ERBB4: variants seen among roughly 807,000 people sequenced by gnomAD.
ERBB4 encodes the protein receptor tyrosine-protein kinase erbB-4.
ERBB4 carries 42 observed loss-of-function variants against 158.0 expected under a neutral mutation model. The ratio of observed to expected loss-of-function variants is 0.27; its 90% CI spans 0.21 to 0.34. The LOEUF (loss-of-function observed/expected upper bound fraction) is 0.34. ERBB4 is among the 10% of genes least tolerant of loss of function. The probability of loss-of-function intolerance (pLI) is 1.00; values close to 1 mark genes in which losing one functional copy is unlikely to be tolerated. For synonymous variants in ERBB4, 583 were observed against 558.7 expected, an observed-to-expected ratio of 1.04 and a Z score of -0.61; for missense variants, 1,333 against 1,624.1, an observed-to-expected ratio of 0.82 and a Z score of 3.08.
Position 211,493,578 on chromosome 2 carries a change from C to CAA in ERBB4, c.2488-62480_2488-62479dup, listed in dbSNP as rs143725610. 5.9e-4 allele frequency among the ~76,000 whole-genome samples: 89 copies of CAA among 149,768 alleles called. No individual in the cohort carries two copies. The East Asian group carries it at 0.015, about 25-fold the overall frequency. ...AAAATACAAAAAACAAAAACAAAAA[C>CAA]AAAAAAAAACACCTTTGCATAGCAG... On this transcript the variant is annotated intron_variant, in intron 20 of 27. Coordinates refer to ENST00000342788, the MANE Select transcript of ERBB4 (RefSeq NM_005235.3).
intron 19 of ERBB4, among the ~76,000 whole-genome samples, chr2:211,594,323 C>G (rs1283091865): frequency 1.3e-5 from 2 of 152,056 alleles, no homozygotes; most frequent in Non-Finnish European, 2.9e-5. Flanking sequence ...CCTGTAGTCC[C>G]AGCTACTCAG....
At chr2:211,667,382 A>G (rs1415667872) in intron 14 of ERBB4, among the ~76,000 whole-genome samples, 1 of 151,864 alleles carries the variant, frequency 6.6e-6, no homozygotes, top group Non-Finnish European at 1.5e-5. Context: ...AAATCCTGAG[A>G]CTGGTGGGGC....
At chr2:211,825,193 T>A (rs987574047) in intron 3 of ERBB4, among the ~76,000 whole-genome samples, 3 of 151,930 alleles carry the variant, frequency 2.0e-5, no homozygotes, top group Admixed American at 2.0e-4. Flanking sequence ...ATGTTAAATT[T>A]ACTGAATAGT....
chr2:211,431,218 A>G, intron 20 of ERBB4, 118 bp from the exon 21 acceptor site: 1 of 849,222 alleles, frequency 1.2e-6, no homozygotes, highest in South Asian at 1.5e-5. Context: ...TGAAGCCAGA[A>G]TCCTAGAATA....
intron 20 of ERBB4, among the ~76,000 whole-genome samples, chr2:211,464,924 G>C (rs528632820): frequency 6.6e-6 from 1 of 151,178 alleles, no homozygotes; most frequent in African/African-American, 2.4e-5. Flanking sequence ...GGCTTAATGA[G>C]AGGCATACAG....
intron 1 of ERBB4, among the ~76,000 whole-genome samples, chr2:212,177,670 C>G (rs2081715020): frequency 6.6e-6 from 1 of 151,838 alleles, no homozygotes; most frequent in Non-Finnish European, 1.5e-5. Flanking sequence ...TTCATTCATT[C>G]TTTCATTCAC....
At chr2:212,147,157 ATTTTTTTT>A (rs71397161) in intron 1 of ERBB4, among the ~76,000 whole-genome samples, 1,258 of 34,236 alleles carry the variant, frequency 0.037, 18 homozygotes, top group African/African-American at 0.091. Context: ...TGCCCAGCTA[ATTTTTTTT>A]TTTTTTTTTT....
chr2:212,239,935 A>G (rs1250258281), intron 1 of ERBB4, among the ~76,000 whole-genome samples: 1 of 152,214 alleles, frequency 6.6e-6, no homozygotes, highest in Non-Finnish European at 1.5e-5. Flanking sequence ...AAACTAATAC[A>G]CAAAGAAGTA....
intron 16 of ERBB4, among the ~76,000 whole-genome samples, chr2:211,646,213 A>G (rs1391871622): frequency 1.3e-5 from 2 of 151,696 alleles, no homozygotes; most frequent in Non-Finnish European, 3.0e-5. Flanking sequence ...GGACTAATAC[A>G]TAGACATAAC....
At chr2:212,394,196 A>G (rs1341476998) in intron 1 of ERBB4, among the ~76,000 whole-genome samples, 2 of 152,128 alleles carry the variant, frequency 1.3e-5, no homozygotes, top group Non-Finnish European at 2.9e-5. Context: ...GTAGTCTGAA[A>G]GGACTTCCCT....
intron 1 of ERBB4, among the ~76,000 whole-genome samples, chr2:212,396,361 A>G (rs1412464506): frequency 1.3e-5 from 2 of 152,178 alleles, no homozygotes; most frequent in Non-Finnish European, 2.9e-5. Flanking sequence ...CATATAGTTC[A>G]GTGATTCTAA....
At chr2:211,774,188 C>T (rs1265191153) in intron 4 of ERBB4, among the ~76,000 whole-genome samples, 2 of 151,728 alleles carry the variant, frequency 1.3e-5, no homozygotes, top group South Asian at 2.1e-4. Flanking sequence ...TTCTTCCACC[C>T]CAGCCTCCCG....
chr2:212,230,410 A>G (rs1263904958), intron 1 of ERBB4, among the ~76,000 whole-genome samples: 1 of 152,364 alleles, frequency 6.6e-6, no homozygotes, highest in Middle Eastern at 3.4e-3. Context: ...TGGATTTTGT[A>G]TTGTAACAGA....
intron 15 of ERBB4, among the ~76,000 whole-genome samples, chr2:211,658,256 A>C (rs1209927519): frequency 6.6e-6 from 1 of 152,202 alleles, no homozygotes; most frequent in African/African-American, 2.4e-5. Context: ...CGCACAGCTC[A>C]CTTCTAATAC....
intron 2 of ERBB4, among the ~76,000 whole-genome samples, chr2:212,013,409 A>T (rs140658248): frequency 3.3e-5 from 5 of 152,292 alleles, no homozygotes; most frequent in Non-Finnish European, 7.4e-5. Flanking sequence ...ATCATAAGAC[A>T]CTGTTTTAAG....
chr2:211,964,171 C>T (rs141666059), intron 2 of ERBB4, among the ~76,000 whole-genome samples: 7 of 152,250 alleles, frequency 4.6e-5, no homozygotes, highest in African/African-American at 1.4e-4. Flanking sequence ...ACACTCCCAG[C>T]GGTGAGGTAC....
chr2:211,894,165 T>C (rs1261531229), intron 3 of ERBB4, among the ~76,000 whole-genome samples: 1 of 103,184 alleles, frequency 9.7e-6, no homozygotes, highest in African/African-American at 3.9e-5. Context: ...CCAACCCAAA[T>C]GTCCAACAAT....
At chr2:211,752,132 C>A (rs1444205494) in intron 4 of ERBB4, among the ~76,000 whole-genome samples, 1 of 152,008 alleles carries the variant, frequency 6.6e-6, no homozygotes, top group Non-Finnish European at 1.5e-5. Context: ...CTGGCCTGAA[C>A]AATATAACTT....
chr2:212,136,261 C>T (rs763902255), intron 1 of ERBB4, among the ~76,000 whole-genome samples: 71 of 152,294 alleles, frequency 4.7e-4, no homozygotes, highest in Non-Finnish European at 8.5e-4. Context: ...AAGAAATGGA[C>T]TATGGCCTTT....
Sources: gnomAD v4.1 joint callset for allele counts (sites outside exome capture counted in the v4.1 genomes callset) on GRCh38, gnomAD v4.1.1 for gene constraint, MANE v1.5 for transcripts, NCBI Gene and HGNC (gene_info 2026-07-23, HGNC 2026-07-21) for gene names.